Variants in ZNF292 observed in about 807,000 individuals in gnomAD.
The protein encoded by ZNF292 is 16 zinc-finger domain protein.
A neutral mutation model predicts 217.9 loss-of-function variants in ZNF292; 26 were observed. That is an observed-to-expected ratio of 0.12 (90% CI 0.09 to 0.17). The LOEUF (loss-of-function observed/expected upper bound fraction) is 0.17. Ranked by LOEUF, ZNF292 falls within the 10% of genes least tolerant of loss-of-function variation. ZNF292 has a pLI of 1.00. For synonymous variants in ZNF292, 1,257 were observed against 1,124.1 expected (o/e 1.12, Z -2.37); for missense variants, 2,904 against 3,175.2 (o/e 0.91, Z 2.05).
intron 1 of ZNF292, among the ~76,000 whole-genome samples, chr6:87,175,114 ACATGTCTTTCT>A (rs1377402185): frequency 1.3e-5 from 2 of 152,250 alleles, no homozygotes; most frequent in Non-Finnish European, 2.9e-5. Flanking sequence ...ATGGACGAGT[ACATGTCTTTCT>A]CATCTTTTTG....
chr6:87,195,982 A>G (rs556670333), intron 1 of ZNF292, among the ~76,000 whole-genome samples: 6 of 151,252 alleles, frequency 4.0e-5, no homozygotes, highest in Non-Finnish European at 8.9e-5. Context: ...GAGCCGAGAT[A>G]GCACCACTGC....
chr6:87,180,329 G>A (rs557858815), intron 1 of ZNF292, among the ~76,000 whole-genome samples: 1 of 152,260 alleles, frequency 6.6e-6, no homozygotes, highest in Non-Finnish European at 1.5e-5. Flanking sequence ...CAGTGCACAA[G>A]GGCGGGCTTA....
chr6:87,238,175 A>G (rs972751829), intron 5 of ZNF292, among the ~76,000 whole-genome samples: 8 of 152,106 alleles, frequency 5.3e-5, no homozygotes, highest in Non-Finnish European at 1.0e-4. Context: ...GGCAATCACA[A>G]ATTTATATTT....
chr6:87,255,184 A>G lies in ZNF292; in HGVS notation c.1555A>G (p.Arg519Gly). ...CATTGGTGATGAAAAGCAGAAGAAGAGAGAGATAAAACAGTTAAGAGAGAG... is the reference window on the plus strand; with the variant it reads ...CATTGGTGATGAAAAGCAGAAGAAGGGAGAGATAAAACAGTTAAGAGAGAG... The part of the protein sequence containing the change: ...KDIGDEKQKK[R>G]EIKQLRERGF... The change falls in exon 8 of 8, where the codon AGA becomes GGA. Residue 519 changes from arginine (R) to glycine (G), a missense_variant. Physicochemically the swap from Arg to Gly is moderately radical, Grantham distance 125. Coordinates refer to ENST00000369577, the MANE Select transcript of ZNF292 (RefSeq NM_015021.3). 6.2e-7 allele frequency: 1 copy of G among 1,613,874 alleles called. No individual in the cohort carries two copies. The highest frequency in any genetic ancestry group is 8.5e-7 in the Non-Finnish European group (1 of 1,179,836).
Position 87,265,414 on chromosome 6 carries a change from T to A in ZNF292, c.*3613T>A, listed in dbSNP as rs1182166646. On this transcript the variant is annotated 3_prime_UTR_variant, in exon 8 of 8. Transcript: ENST00000369577. The stretch of plus-strand genomic sequence containing the variant: ...GATTTTATATTTTTAGTAGAGACGG[T>A]TTCACCATGTTGGCCAGGCTGGTCT... 6.6e-6 allele frequency among the ~76,000 whole-genome samples: 1 copy of A among 152,148 alleles called. No homozygotes were observed. Among genetic ancestry groups the A allele is most frequent in the East Asian group, 1.9e-4 (1 of 5,194 alleles).
intron 7 of ZNF292, among the ~76,000 whole-genome samples, chr6:87,251,482 T>TA (rs1418633132): frequency 6.6e-6 from 1 of 152,216 alleles, no homozygotes; most frequent in African/African-American, 2.4e-5. Context: ...TTCCAGAACT[T>TA]ACCTGGTGCT....
chr6:87,180,037 G>A (rs903036942), intron 1 of ZNF292, among the ~76,000 whole-genome samples: 4 of 152,116 alleles, frequency 2.6e-5, no homozygotes, highest in Non-Finnish European at 4.4e-5. Context: ...CAATATTGGA[G>A]CCTAACCCTT....
Position 87,241,185 on chromosome 6 carries a change from A to T in ZNF292, c.742-2290A>T, listed in dbSNP as rs549351747. Among the ~76,000 whole-genome samples, 922 of 152,156 alleles carry T rather than the reference A, an allele frequency of 6.1e-3. 4 individuals carry two copies. The highest frequency in any genetic ancestry group is 0.013 in the Admixed American group (200 of 15,268). On this transcript the variant is annotated intron_variant, in intron 5 of 7. Transcript: ENST00000369577. ...TGTAGTCTCAGCTACTCAGGAGGCTAAGGCAGGAGAGTCGCTTGAACCTGG... is the reference window on the plus strand; with the variant it reads ...TGTAGTCTCAGCTACTCAGGAGGCTTAGGCAGGAGAGTCGCTTGAACCTGG...
At chr6:87,235,996 T>G (rs928129414) in intron 5 of ZNF292, among the ~76,000 whole-genome samples, 2 of 152,248 alleles carry the variant, frequency 1.3e-5, no homozygotes, top group Non-Finnish European at 2.9e-5. Flanking sequence ...TGCTTAGAGA[T>G]GATTGCTCTT....
chr6:87,223,001 G>A (rs974277747), intron 4 of ZNF292: 6 of 281,522 alleles, frequency 2.1e-5, no homozygotes, highest in African/African-American at 8.7e-5. Context: ...AAGTACCATT[G>A]CCATCACATT....
intron 1 of ZNF292, among the ~76,000 whole-genome samples, chr6:87,200,704 CAA>C (rs1772078041): frequency 1.3e-5 from 2 of 152,248 alleles, no homozygotes; most frequent in South Asian, 4.1e-4. Context: ...CAGAATGCTA[CAA>C]AGAGAGTAGG....
At chr6:87,172,370 CTCTTT>C (rs1334386896) in intron 1 of ZNF292, among the ~76,000 whole-genome samples, 2 of 152,134 alleles carry the variant, frequency 1.3e-5, no homozygotes, top group African/African-American at 4.8e-5. Flanking sequence ...AAAAGAACAG[CTCTTT>C]TCATCAACCT....
At chr6:87,218,352 T>G (rs1345413514) in intron 3 of ZNF292, among the ~76,000 whole-genome samples, 1 of 152,128 alleles carries the variant, frequency 6.6e-6, no homozygotes, top group Non-Finnish European at 1.5e-5. Context: ...GCTTAGATTT[T>G]GGGGAAGAAA....
chr6:87,229,125 C>T (rs926537757), intron 4 of ZNF292, among the ~76,000 whole-genome samples: 5 of 152,094 alleles, frequency 3.3e-5, no homozygotes, highest in South Asian at 2.1e-4. Context: ...ACAGGTCTTT[C>T]GCCTCCTCCT....
Position 87,256,889 on chromosome 6 carries a change from C to G in ZNF292, c.3260C>G (p.Pro1087Arg), listed in dbSNP as rs1775252925. Residue 1087 changes from proline (P) to arginine (R), a missense_variant, in exon 8 of 8, where the codon CCA (proline) becomes CGA (arginine). Transcript: ENST00000369577. ...QSDLSNSLGT[P>R]SVPPKAPVQK... ...GACCTAAGTAATTCATTAGGAACTC[C>G]ATCAGTGCCTCCAAAAGCTCCAGTT... The G allele has an allele frequency of 4.3e-6, 7 of 1,613,858 alleles. No homozygotes were observed. The highest frequency in any genetic ancestry group is 5.9e-6 in the Non-Finnish European group (7 of 1,179,824).
intron 4 of ZNF292, among the ~76,000 whole-genome samples, chr6:87,232,830 T>C (rs1402166987): frequency 6.6e-6 from 1 of 152,110 alleles, no homozygotes; most frequent in East Asian, 1.9e-4. Flanking sequence ...AAAAGTCAGA[T>C]TTCAGCTTTG....
At chr6:87,236,905 T>G (rs1003986858) in intron 5 of ZNF292, among the ~76,000 whole-genome samples, 5 of 152,198 alleles carry the variant, frequency 3.3e-5, no homozygotes, top group African/African-American at 1.2e-4. Flanking sequence ...TGGTAGACAC[T>G]TACTTATATT....
At position 87,264,724 on chromosome 6, in the gene ZNF292, T is replaced by TG. The variant is rs1367373067; in HGVS notation, c.*2925dup. ...AGGTGAAGCTGAAGAAGCAGATGGG[T>TG]GGTGGGATCAGGAGTGTTCTTGTAT... On this transcript the variant is annotated 3_prime_UTR_variant, in exon 8 of 8. Transcript: ENST00000369577. 1.3e-5 allele frequency among the ~76,000 whole-genome samples: 2 copies of TG among 152,042 alleles called. No individual in the cohort carries two copies. The highest frequency in any genetic ancestry group is 4.8e-5 in the African/African-American group (2 of 41,376).
intron 1 of ZNF292, among the ~76,000 whole-genome samples, chr6:87,159,783 C>G (rs1770670633): frequency 6.6e-6 from 1 of 152,314 alleles, no homozygotes; most frequent in South Asian, 2.1e-4. Context: ...CCGGCCCTGT[C>G]TCAGCCTTCT....
Sources: allele counts gnomAD v4.1 joint callset (sites outside exome capture counted in the v4.1 genomes callset), GRCh38; gene constraint gnomAD v4.1.1; transcripts MANE v1.5; gene names NCBI Gene and HGNC (gene_info 2026-07-23, HGNC 2026-07-21).